Variants in PCDH9 observed in about 807,000 individuals in gnomAD.
PCDH9 encodes protocadherin-9.
A neutral mutation model predicts 70.6 loss-of-function variants in PCDH9; 24 were observed. That is an observed-to-expected ratio of 0.34 (90% confidence interval 0.25 to 0.48). The LOEUF is 0.48. PCDH9 is among the 20% of genes least tolerant of loss of function. PCDH9 has a pLI of 0.99. For synonymous variants in PCDH9, 562 were observed against 558.5 expected (o/e 1.01, Z -0.09); for missense variants, 1,281 against 1,503.6 (o/e 0.85, Z 2.45).
At chr13:66,959,859 T>A (rs2083318725) in intron 2 of PCDH9, among the ~76,000 whole-genome samples, 3 of 152,148 alleles carry the variant, frequency 2.0e-5, no homozygotes, top group Admixed American at 6.5e-5. Context: ...CCTTAATCAA[T>A]AAACTGGAAA....
rs570276772 is a variant in PCDH9 at position 66,634,595 on chromosome 13, T to C, written c.3139-3184A>G. Among the ~76,000 whole-genome samples, 14 of 152,262 alleles carry C rather than the reference T, an allele frequency of 9.2e-5. 1 individual carries two copies. The highest frequency in any genetic ancestry group is 1.3e-4 in the Non-Finnish European group (9 of 68,006). On this transcript the variant is annotated intron_variant, in intron 3 of 4. Transcript: ENST00000377865. ...AAATAATACCTTGCCTGTGGAAGTG[T>C]TGAAAGGCTAAAAATAGTGTTCCTG...
chr13:67,019,257 G>C (rs995953068), intron 2 of PCDH9, among the ~76,000 whole-genome samples: 1 of 143,818 alleles, frequency 7.0e-6, no homozygotes, highest in Non-Finnish European at 1.5e-5. Context: ...GCAGTGGTAG[G>C]ATCTCGGCTC....
intron 3 of PCDH9, among the ~76,000 whole-genome samples, chr13:66,883,411 TTTTCAGGTATCC>T (rs570477404): frequency 2.6e-4 from 40 of 152,252 alleles, no homozygotes; most frequent in African/African-American, 9.1e-4. Flanking sequence ...ATGTGTCCCA[TTTTCAGGTATCC>T]AATGAATGTA....
At chr13:66,370,513 A>ATTT (rs34902558) in intron 4 of PCDH9, among the ~76,000 whole-genome samples, 17 of 129,354 alleles carry the variant, frequency 1.3e-4, no homozygotes, top group African/African-American at 4.8e-4. Context: ...TTATGTATTC[A>ATTT]TTTTTTTTTT....
At chr13:66,710,742 A>G (rs905233826) in intron 3 of PCDH9, among the ~76,000 whole-genome samples, 4 of 152,116 alleles carry the variant, frequency 2.6e-5, no homozygotes, top group African/African-American at 9.7e-5. Flanking sequence ...TGAGGTTCTC[A>G]GGGAGAATCC....
intron 2 of PCDH9, among the ~76,000 whole-genome samples, chr13:67,200,271 T>C (rs2089176705): frequency 6.6e-6 from 1 of 152,008 alleles, no homozygotes; most frequent in Non-Finnish European, 1.5e-5. Flanking sequence ...CCCACTTCTG[T>C]TGTAGGGAAT....
intron 2 of PCDH9, among the ~76,000 whole-genome samples, chr13:67,152,824 A>G (rs560519483): frequency 1.3e-5 from 2 of 152,350 alleles, no homozygotes; most frequent in East Asian, 3.9e-4. Flanking sequence ...AATGAGGAAG[A>G]TGAGAAGGTT....
chr13:67,028,168 C>T (rs1022563021), intron 2 of PCDH9, among the ~76,000 whole-genome samples: 1 of 147,784 alleles, frequency 6.8e-6, no homozygotes, highest in Non-Finnish European at 1.5e-5. Context: ...TGGAAACAAC[C>T]CAAATGTCCA....
At chr13:67,182,926 A>G (rs1267085143) in intron 2 of PCDH9, among the ~76,000 whole-genome samples, 2 of 152,056 alleles carry the variant, frequency 1.3e-5, no homozygotes, top group African/African-American at 4.8e-5. Context: ...TAAAATTACT[A>G]TCTTTTCAAT....
chr13:66,854,476 A>G (rs2081362707), intron 3 of PCDH9, among the ~76,000 whole-genome samples: 1 of 152,204 alleles, frequency 6.6e-6, no homozygotes. Flanking sequence ...AATATTCACA[A>G]CATTTTTGCA....
chr13:66,714,336 G>A lies in PCDH9; in HGVS notation c.3139-82925C>T, dbSNP rs564104034. On this transcript the variant is annotated intron_variant, in intron 3 of 4. Coordinates refer to ENST00000377865, the MANE Select transcript of PCDH9 (RefSeq NM_203487.3). ...AAAAATTAGCCAGGCGTGGTGGCGG[G>A]TGCCTGTAGTCCCAGCTACTTGGGA... 3.7e-4 allele frequency among the ~76,000 whole-genome samples: 56 copies of A among 151,838 alleles called. 1 individual carries two copies. The highest frequency in any genetic ancestry group is 1.4e-3 in the African/African-American group (56 of 41,420).
At chr13:67,053,989 A>T (rs1447580336) in intron 2 of PCDH9, among the ~76,000 whole-genome samples, 4 of 152,146 alleles carry the variant, frequency 2.6e-5, no homozygotes, top group African/African-American at 9.7e-5. Context: ...ACAATTATGG[A>T]AGCTCTTAGT....
At chr13:66,360,188 C>T (rs1007442952) in intron 4 of PCDH9, among the ~76,000 whole-genome samples, 3 of 151,956 alleles carry the variant, frequency 2.0e-5, no homozygotes, top group Non-Finnish European at 4.4e-5. Flanking sequence ...TTGTTTGATG[C>T]CTCGGATATT....
At chr13:67,032,767 T>C (rs1158258642) in intron 2 of PCDH9, among the ~76,000 whole-genome samples, 1 of 152,178 alleles carries the variant, frequency 6.6e-6, no homozygotes, top group Non-Finnish European at 1.5e-5. Context: ...TAGTTCCTAA[T>C]ATATCACAAA....
In PCDH9 at chr13:66,620,546, G is replaced by A. The variant is rs75520332; in HGVS notation, c.3340+10664C>T. ...ATTCATCCCATGTCACTTGTTTAAA[G>A]TATCACTTTATCTATAGAATCTTTA... On this transcript the variant is annotated intron_variant, in intron 4 of 4. Coordinates refer to ENST00000377865, the MANE Select transcript of PCDH9 (RefSeq NM_203487.3). Among the ~76,000 whole-genome samples, 301 of 152,168 alleles carry A rather than the reference G, an allele frequency of 2.0e-3. 1 individual carries two copies. The highest frequency in any genetic ancestry group is 7.1e-3 in the African/African-American group (294 of 41,536).
chr13:66,317,472 A>AC (rs1955674772), intron 4 of PCDH9, among the ~76,000 whole-genome samples: 1 of 152,196 alleles, frequency 6.6e-6, no homozygotes, highest in Admixed American at 6.5e-5. Flanking sequence ...AGTTAAAGGG[A>AC]CTGGGAATTC....
At chr13:66,564,061 G>C (rs906582589) in intron 4 of PCDH9, among the ~76,000 whole-genome samples, 1 of 152,070 alleles carries the variant, frequency 6.6e-6, no homozygotes, top group African/African-American at 2.4e-5. Context: ...ACAATTGTGG[G>C]AGAAAATTGT....
At chr13:66,975,399 T>C (rs1415431429) in intron 2 of PCDH9, among the ~76,000 whole-genome samples, 1 of 152,056 alleles carries the variant, frequency 6.6e-6, no homozygotes, top group South Asian at 2.1e-4. Context: ...GACATTGTCA[T>C]AAATGGCTTA....
intron 3 of PCDH9, among the ~76,000 whole-genome samples, chr13:66,764,976 C>T (rs1048581425): frequency 1.3e-5 from 2 of 151,948 alleles, no homozygotes; most frequent in Non-Finnish European, 2.9e-5. Flanking sequence ...GTCTCTGTCT[C>T]TCTGTCAGTC....
Sources: allele counts gnomAD v4.1 joint callset (sites outside exome capture counted in the v4.1 genomes callset), GRCh38; gene constraint gnomAD v4.1.1; transcripts MANE v1.5; gene names NCBI Gene and HGNC (gene_info 2026-07-23, HGNC 2026-07-21).